The following PTPRT variants were observed in gnomAD, a reference collection of about 807,000 sequenced individuals.
The protein encoded by PTPRT is receptor-type tyrosine-protein phosphatase T.
A neutral mutation model predicts 176.8 loss-of-function variants in PTPRT; 56 were observed. The observed-to-expected ratio is 0.32, with a 90% CI of 0.26 to 0.40. PTPRT has a LOEUF of 0.40. Among genes scored for constraint, PTPRT ranks in the 10% least tolerant of loss-of-function variants. The pLI, the probability that PTPRT is intolerant of heterozygous loss-of-function variation, is 1.00. For missense variants in PTPRT, 1,540 were observed against 1,908.2 expected, an observed-to-expected ratio of 0.81 and a Z score of 3.60; for synonymous variants, 783 against 739.0, an observed-to-expected ratio of 1.06 and a Z score of -0.96.
intron 12 of PTPRT, among the ~76,000 whole-genome samples, chr20:42,311,727 T>C (rs940246052): frequency 6.6e-6 from 1 of 152,148 alleles, no homozygotes; most frequent in African/African-American, 2.4e-5. Flanking sequence ...AGTGCTTTCA[T>C]CTTCTGGCTT....
At chr20:42,748,180 A>G (rs1303086297) in intron 6 of PTPRT, among the ~76,000 whole-genome samples, 1 of 152,190 alleles carries the variant, frequency 6.6e-6, no homozygotes, top group African/African-American at 2.4e-5. Context: ...AGCTGAAACT[A>G]TTGACTCTAA....
intron 13 of PTPRT, among the ~76,000 whole-genome samples, chr20:42,269,579 G>A (rs1019388455): frequency 4.6e-5 from 7 of 152,186 alleles, no homozygotes; most frequent in African/African-American, 1.7e-4. Context: ...TGTGTCCTTT[G>A]AAGAATGGCA....
At chr20:42,345,848 C>T (rs997102838) in intron 11 of PTPRT, among the ~76,000 whole-genome samples, 12 of 151,844 alleles carry the variant, frequency 7.9e-5, no homozygotes, top group Admixed American at 3.9e-4. Flanking sequence ...AAGGGGCAGA[C>T]GGAAATGAAA....
At chr20:42,873,053 G>A (rs1224313882) in intron 2 of PTPRT, among the ~76,000 whole-genome samples, 9 of 152,194 alleles carry the variant, frequency 5.9e-5, no homozygotes, top group African/African-American at 2.4e-5. Context: ...TAGCTCTGTT[G>A]TTAATATGTT....
intron 1 of PTPRT, among the ~76,000 whole-genome samples, chr20:43,023,094 A>T (rs1328265868): frequency 6.6e-6 from 1 of 152,212 alleles, no homozygotes; most frequent in Admixed American, 6.5e-5. Context: ...GAGCTTCTTT[A>T]TCCTAAGAAA....
At chr20:42,981,781 T>C (rs1600619223) in intron 1 of PTPRT, among the ~76,000 whole-genome samples, 1 of 152,206 alleles carries the variant, frequency 6.6e-6, no homozygotes, top group East Asian at 1.9e-4. Context: ...AGTTGTGAGA[T>C]CATTTGTTAC....
Position 42,213,363 on chromosome 20 carries a change from G to A in PTPRT, c.2343-13975C>T, listed in dbSNP as rs1278087415. On this transcript the variant is annotated intron_variant, in intron 15 of 30. Transcript: ENST00000373187. The stretch of plus-strand genomic sequence containing the variant: ...TCTCCAGATATCTCATTGAGTTGCC[G>A]TGAACACTCCCTTTCCCCTCTCTGT... Among the ~76,000 whole-genome samples, 5 of 126,416 alleles carry A rather than the reference G, an allele frequency of 4.0e-5. No individual in the cohort carries two copies. In the East Asian group the frequency reaches 1.2e-3, roughly 30 times the overall value. 82.9% of individuals were successfully genotyped at this position (126,416 alleles called of 152,430 possible). A position where few individuals can be genotyped will look rare whatever the true frequency, so the allele number is the denominator to read the frequency against.
chr20:42,132,690 C>T (rs1403889980), intron 18 of PTPRT, among the ~76,000 whole-genome samples: 1 of 152,182 alleles, frequency 6.6e-6, no homozygotes, highest in African/African-American at 2.4e-5. Context: ...GGATGTGGCA[C>T]AGCAAGACCT....
chr20:42,314,310 C>T (rs552642834), intron 12 of PTPRT, among the ~76,000 whole-genome samples: 3 of 152,148 alleles, frequency 2.0e-5, no homozygotes, highest in Admixed American at 1.3e-4. Context: ...GGGCAGATCA[C>T]GAGGTCAGGA....
chr20:42,212,019 A>AAAATTTC (rs2055645208), intron 15 of PTPRT, among the ~76,000 whole-genome samples: 1 of 76,984 alleles, frequency 1.3e-5, no homozygotes, highest in Non-Finnish European at 3.3e-5. Context: ...AAACTGGAAA[A>AAAATTTC]CATCATTCTC....
intron 9 of PTPRT, among the ~76,000 whole-genome samples, chr20:42,439,774 C>T (rs573234362): frequency 6.6e-6 from 1 of 152,306 alleles, no homozygotes; most frequent in South Asian, 2.1e-4. Flanking sequence ...ATGGATAGCG[C>T]CCCCTCCCCT....
rs748447333 is a variant in PTPRT, at chr20:42,236,235, T to C, written c.2336A>G (p.Tyr779Cys). 3.1e-6 allele frequency: 5 copies of C among 1,602,550 alleles called. No homozygotes were observed. Among genetic ancestry groups the C allele is most frequent in the Non-Finnish European group, 4.3e-6 (5 of 1,170,420 alleles). ...KRRRNAYSYS[Y>C]YLKLAKKQKE... ...ACACCAGCTCGATACTTACAAGTAA[T>C]AGGAGTAGGAATAAGCATTTCTTCT... The change falls in exon 15 of 31, where the codon TAT becomes TGT. Residue 779 changes from tyrosine to cysteine, a missense_variant. Physicochemically the swap from Tyr to Cys is radical, Grantham distance 194 (BLOSUM62 -2). This residue lies in a region of PTPRT where 255 missense variants were observed against 250.1 expected (regional missense o/e 1.02). Transcript: ENST00000373187.
chr20:42,524,958 G>A (rs1368313230), intron 7 of PTPRT, among the ~76,000 whole-genome samples: 1 of 151,990 alleles, frequency 6.6e-6, no homozygotes, highest in Non-Finnish European at 1.5e-5. Context: ...TTAAAAATAT[G>A]CCTCCTCAAC....
intron 1 of PTPRT, among the ~76,000 whole-genome samples, chr20:43,012,330 G>A (rs961722821): frequency 6.6e-6 from 1 of 152,058 alleles, no homozygotes; most frequent in Non-Finnish European, 1.5e-5. Context: ...AGACAGAAAA[G>A]GACAAATATT....
chr20:42,108,150 C>T lies in PTPRT; in HGVS notation c.3255-1229G>A, dbSNP rs557719639. The stretch of plus-strand genomic sequence containing the variant: ...TTTGGAACAACTATCAATCAATCAG[C>T]GGTGACCAAGTTGCCTAGTGTCCGT... On this transcript the variant is annotated intron_variant, in intron 23 of 30. Transcript: ENST00000373187. Among the ~76,000 whole-genome samples, 9 of 152,206 alleles carry T rather than the reference C, an allele frequency of 5.9e-5. No homozygotes were observed. The East Asian group carries it at 1.2e-3, about 20-fold the overall frequency.
chr20:43,185,900 C>T (rs1376254896), intron 1 of PTPRT, among the ~76,000 whole-genome samples: 1 of 151,754 alleles, frequency 6.6e-6, no homozygotes, highest in East Asian at 1.9e-4. Flanking sequence ...CCACTGCACT[C>T]CAGCCTGGGC....
intron 2 of PTPRT, among the ~76,000 whole-genome samples, chr20:42,843,679 G>A (rs1320099179): frequency 6.6e-6 from 1 of 152,202 alleles, no homozygotes; most frequent in Non-Finnish European, 1.5e-5. Flanking sequence ...AAAGAACAGG[G>A]GCCATGCCCA....
intron 29 of PTPRT, among the ~76,000 whole-genome samples, chr20:42,083,242 A>C (rs1202457089): frequency 6.6e-6 from 1 of 152,036 alleles, no homozygotes; most frequent in Non-Finnish European, 1.5e-5. Flanking sequence ...CAAAAGGAAG[A>C]GGTGAGTAGA....
intron 27 of PTPRT, among the ~76,000 whole-genome samples, chr20:42,091,314 G>T (rs936065964): frequency 1.3e-5 from 2 of 152,180 alleles, no homozygotes. Flanking sequence ...GTAGCCTCAC[G>T]CATTAAACGT....
Sources: allele counts gnomAD v4.1 joint callset (sites outside exome capture counted in the v4.1 genomes callset), GRCh38; gene constraint gnomAD v4.1.1; regional missense constraint gnomAD v4.1.1; transcripts MANE v1.5; gene names NCBI Gene and HGNC (gene_info 2026-07-23, HGNC 2026-07-21).